LRP11: variants seen among roughly 807,000 people sequenced by gnomAD.
LRP11 encodes the protein LDL receptor related protein 11, also known as low-density lipoprotein receptor-related protein 11.
In LRP11, 25 loss-of-function variants were observed where a neutral mutation model predicts 43.1. The observed-to-expected ratio is 0.58, with a 90% confidence interval of 0.42 to 0.81. The LOEUF is 0.81. Ranked by LOEUF, LRP11 falls within the 30% of genes least tolerant of loss-of-function variation. The pLI, the probability that LRP11 is intolerant of heterozygous loss-of-function variation, is 0.00. For missense variants in LRP11, 623 were observed against 665.1 expected (o/e 0.94, Z 0.70); for synonymous variants, 316 against 299.4 (o/e 1.06, Z -0.57).
At chr6:149,844,056 C>T (rs1776591922) in intron 2 of LRP11, among the ~76,000 whole-genome samples, 1 of 152,090 alleles carries the variant, frequency 6.6e-6, no homozygotes, top group East Asian at 1.9e-4. Flanking sequence ...AGATGGAGAC[C>T]ATCTTGGCCA....
chr6:149,836,089 C>T lies in LRP11; in HGVS notation c.1248G>A (p.Met416Ile). ...WGPESQIIPV[M>I]PDSSSSGKNR... ...GAACCCACCGTGAATCCTTACCTGG[C>T]ATCACAGGAATGATTTGACTCTCTG... Residue 416 changes from methionine to isoleucine, a missense_variant, in exon 5 of 7, where the codon ATG (methionine) becomes ATA (isoleucine). Met to Ile is a conservative substitution (Grantham distance 10). Coordinates refer to ENST00000239367, the MANE Select transcript of LRP11 (RefSeq NM_032832.6). The T allele has an allele frequency of 6.2e-7, 1 of 1,613,396 alleles. No individual in the cohort carries two copies. Among genetic ancestry groups the T allele is most frequent in the Non-Finnish European group, 8.5e-7 (1 of 1,179,376 alleles).
At chr6:149,829,475 C>G (rs879543327) in intron 5 of LRP11, among the ~76,000 whole-genome samples, 3 of 151,876 alleles carry the variant, frequency 2.0e-5, no homozygotes, top group Non-Finnish European at 4.4e-5. Context: ...GCAGGTGAAT[C>G]GCTTGAATTT....
Position 149,847,824 on chromosome 6 carries a change from T to TACACACAC in LRP11, c.772-4708_772-4701dup, listed in dbSNP as rs57292379. ...CTTCTCATATATGTCTAAACTAAAT[T>TACACACAC]ACACACACACACACACACACACACA... On this transcript the variant is annotated intron_variant, in intron 2 of 6. Coordinates refer to ENST00000239367, the MANE Select transcript of LRP11 (RefSeq NM_032832.6). 1.7e-3 allele frequency among the ~76,000 whole-genome samples: 223 copies of TACACACAC among 131,122 alleles called. 1 individual carries two copies. The highest frequency in any genetic ancestry group is 4.2e-3 in the South Asian group (15 of 3,548). 86.0% of individuals were successfully genotyped at this position (131,122 alleles called of 152,430 possible). A position where few individuals can be genotyped will look rare whatever the true frequency, so the allele number is the denominator to read the frequency against.
chr6:149,819,311 A>T lies in LRP11; in HGVS notation c.*1238T>A, dbSNP rs1001644334. ...TTTAAAATATTTGCCACTTATGGTT[A>T]AAAAAAACGTGAATAAGAATATCAT... is the stretch of plus-strand genomic sequence containing the variant. On this transcript the variant is annotated 3_prime_UTR_variant, in exon 7 of 7. Coordinates refer to ENST00000239367, the MANE Select transcript of LRP11 (RefSeq NM_032832.6). 4 of 151,782 alleles carry T rather than the reference A, an allele frequency of 2.6e-5. No homozygotes were observed. Among genetic ancestry groups the T allele is most frequent in the Non-Finnish European group, 5.9e-5 (4 of 67,968 alleles). 9.4% of individuals were successfully genotyped at this position (151,782 alleles called of 1,614,324 possible).
intron 1 of LRP11, among the ~76,000 whole-genome samples, chr6:149,861,522 TTC>T (rs1197545750): frequency 1.3e-5 from 2 of 152,132 alleles, no homozygotes; most frequent in Non-Finnish European, 2.9e-5. Flanking sequence ...AAGTTTTTGT[TTC>T]TGTTTCTGAG....
intron 1 of LRP11, among the ~76,000 whole-genome samples, chr6:149,857,732 T>C (rs1776822336): frequency 1.3e-5 from 2 of 152,194 alleles, no homozygotes; most frequent in Admixed American, 1.3e-4. Context: ...AGTACCTAGG[T>C]TGATAAACTG....
At chr6:149,862,084 T>C (rs1331964994) in intron 1 of LRP11, among the ~76,000 whole-genome samples, 2 of 152,204 alleles carry the variant, frequency 1.3e-5, no homozygotes, top group Non-Finnish European at 2.9e-5. Flanking sequence ...GTGAAAGTGC[T>C]GCCTGCCTCC....
chr6:149,837,869 C>G (rs1046188919), intron 3 of LRP11, among the ~76,000 whole-genome samples: 6 of 152,164 alleles, frequency 3.9e-5, no homozygotes, highest in African/African-American at 1.4e-4. Context: ...TAATACCATC[C>G]CATCCCCTGG....
chr6:149,836,394 T>C, intron 4 of LRP11, 97 bp from the exon 5 acceptor site: 2 of 1,084,738 alleles, frequency 1.8e-6, no homozygotes, highest in Admixed American at 2.2e-5. Context: ...ATCACGGATA[T>C]TTGGATGTAA....
chr6:149,829,206 A>G (rs928597117), intron 5 of LRP11, among the ~76,000 whole-genome samples: 1 of 152,130 alleles, frequency 6.6e-6, no homozygotes, highest in East Asian at 1.9e-4. Context: ...TCTCTCTCCA[A>G]TAATAAATTT....
chr6:149,837,295 TC>T, intron 4 of LRP11, 42 bp downstream of exon 4: 1 of 1,597,326 alleles, frequency 6.3e-7, no homozygotes, highest in Non-Finnish European at 8.6e-7. Flanking sequence ...CCCAACTCCA[TC>T]CCTTCCAGCC....
chr6:149,839,142 G>C (rs983263743), intron 3 of LRP11, among the ~76,000 whole-genome samples: 6 of 148,882 alleles, frequency 4.0e-5, no homozygotes, highest in Non-Finnish European at 7.4e-5. Context: ...CAATCCTCCT[G>C]CCTCAGCCTC....
chr6:149,843,246 C>A, intron 2 of LRP11, 122 bp from the exon 3 acceptor site: 1 of 1,020,558 alleles, frequency 9.8e-7, no homozygotes, highest in Non-Finnish European at 1.5e-6. Flanking sequence ...CACTCCGGCC[C>A]GAGGCTGCTG....
chr6:149,852,147 C>T (rs982024320), intron 2 of LRP11, among the ~76,000 whole-genome samples: 6 of 152,076 alleles, frequency 3.9e-5, no homozygotes, highest in Admixed American at 6.5e-5. Flanking sequence ...CCATACTGGA[C>T]GAGGGTGAGT....
intron 2 of LRP11, 164 bp downstream of exon 2, chr6:149,852,839 C>A (rs1003347126): frequency 6.0e-6 from 3 of 501,942 alleles, no homozygotes; most frequent in Non-Finnish European, 9.9e-6. Context: ...AGCAGAAAAG[C>A]ACATTGAGAT....
chr6:149,863,889 C>T lies in LRP11; in HGVS notation c.132G>A (p.Pro44=). 1.3e-6 allele frequency: 2 copies of T among 1,489,834 alleles called. No individual in the cohort carries two copies. Among genetic ancestry groups the T allele is most frequent in the South Asian group, 1.3e-5 (1 of 79,642 alleles). 92.3% of individuals were successfully genotyped at this position (1,489,834 alleles called of 1,614,324 possible). The change falls in exon 1 of 7, where the codon CCG becomes CCA. Residue 44 remains proline (P), a synonymous_variant. Coordinates refer to ENST00000239367, the MANE Select transcript of LRP11 (RefSeq NM_032832.6). The stretch of plus-strand genomic sequence containing the variant: ...ACAGCTGCGCGTGCAGTTCGGACAG[C>T]GGCGCCGCGGGCGGCAAGGCCGCAC... ...SGRAALPPAA[P]LSELHAQLSG...
intron 3 of LRP11, among the ~76,000 whole-genome samples, chr6:149,840,121 G>A (rs1423738193): frequency 6.6e-6 from 1 of 152,072 alleles, no homozygotes; most frequent in Non-Finnish European, 1.5e-5. Context: ...TATAAGCAGG[G>A]TACCTGCTCA....
chr6:149,840,596 C>T (rs1776532066), intron 3 of LRP11, among the ~76,000 whole-genome samples: 1 of 152,222 alleles, frequency 6.6e-6, no homozygotes, highest in South Asian at 2.1e-4. Context: ...CAGGCCCTTC[C>T]TCCCTCCCAG....
At chr6:149,830,665 C>T (rs1461090546) in intron 5 of LRP11, among the ~76,000 whole-genome samples, 5 of 152,200 alleles carry the variant, frequency 3.3e-5, no homozygotes, top group African/African-American at 1.2e-4. Context: ...CAAATTCTTT[C>T]TGAATCTTCA....
Sources: gnomAD v4.1 joint callset for allele counts (sites outside exome capture counted in the v4.1 genomes callset) on GRCh38, gnomAD v4.1.1 for gene constraint, MANE v1.5 for transcripts, NCBI Gene and HGNC (gene_info 2026-07-23, HGNC 2026-07-21) for gene names.